NDST1: variants seen among roughly 807,000 people sequenced by gnomAD.
NDST1 encodes the protein N-deacetylase and N-sulfotransferase 1.
A neutral mutation model predicts 92.8 loss-of-function variants in NDST1; 35 were observed. The observed-to-expected ratio is 0.38, with a 90% confidence interval of 0.29 to 0.50. The LOEUF (loss-of-function observed/expected upper bound fraction) is 0.50, where lower values mean the gene tolerates loss of function less well. Among genes scored for constraint, NDST1 ranks in the 20% least tolerant of loss-of-function variants. The pLI is 0.94. For missense variants in NDST1, 822 were observed against 1,182.7 expected, an observed-to-expected ratio of 0.69 and a Z score of 4.47; for synonymous variants, 493 against 500.3, an observed-to-expected ratio of 0.99 and a Z score of 0.19.
In NDST1 at chr5:150,528,187, C is replaced by T. The variant is rs769582368; in HGVS notation, c.897C>T (p.Ala299=). The part of the protein sequence containing the change: ...LHKLVFVDAV[A]FLTGKRLSLP... ...AGCTTGTCTTCGTGGATGCCGTGGCCTTCCTCACGGGGAAGCGCCTCTCCC... is the reference window on the plus strand; with the variant it reads ...AGCTTGTCTTCGTGGATGCCGTGGCTTTCCTCACGGGGAAGCGCCTCTCCC... The change falls in exon 3 of 15, where the codon GCC becomes GCT. Residue 299 remains alanine, a synonymous_variant. Transcript: ENST00000261797. 2.5e-6 allele frequency: 4 copies of T among 1,614,256 alleles called. No homozygotes were observed. The highest frequency in any genetic ancestry group is 3.4e-6 in the Non-Finnish European group (4 of 1,180,040).
intron 1 of NDST1, among the ~76,000 whole-genome samples, chr5:150,516,153 C>A (rs866204005): frequency 6.6e-6 from 1 of 152,222 alleles, no homozygotes; most frequent in African/African-American, 2.4e-5. Flanking sequence ...GAGAGGAGGA[C>A]GGCAGCCCTG....
chr5:150,499,141 C>T (rs374448721), intron 1 of NDST1, among the ~76,000 whole-genome samples: 2 of 152,246 alleles, frequency 1.3e-5, no homozygotes, highest in East Asian at 1.9e-4. Context: ...TTTAAGAAAA[C>T]AGAGGTCACA....
intron 1 of NDST1, among the ~76,000 whole-genome samples, chr5:150,510,145 A>C (rs550769264): frequency 6.6e-6 from 1 of 152,088 alleles, no homozygotes; most frequent in African/African-American, 2.4e-5. Flanking sequence ...CTGAGCCTCC[A>C]TTTCCTTGTC....
At chr5:150,538,703 G>A (rs1350063028) in intron 6 of NDST1, among the ~76,000 whole-genome samples, 1 of 152,146 alleles carries the variant, frequency 6.6e-6, no homozygotes, top group African/African-American at 2.4e-5. Flanking sequence ...TCAGCACCAG[G>A]CCCTCGTGCT....
intron 1 of NDST1, among the ~76,000 whole-genome samples, chr5:150,500,919 C>T (rs1753200507): frequency 6.6e-6 from 1 of 152,218 alleles, no homozygotes; most frequent in Non-Finnish European, 1.5e-5. Context: ...CTTCCATCTC[C>T]ACCTCCCTCT....
chr5:150,522,067 G>T (rs1008057311), intron 2 of NDST1, among the ~76,000 whole-genome samples: 1 of 152,178 alleles, frequency 6.6e-6, no homozygotes, highest in Non-Finnish European at 1.5e-5. Flanking sequence ...AGCATGCTCT[G>T]CTAGGTGCCC....
At chr5:150,541,516 G>A in intron 8 of NDST1, 54 bp from the exon 9 acceptor site, 1 of 1,468,396 alleles carries the variant, frequency 6.8e-7, no homozygotes, top group Non-Finnish European at 9.6e-7. Flanking sequence ...TGCAGTGGGA[G>A]TCCACTGACT....
intron 1 of NDST1, among the ~76,000 whole-genome samples, chr5:150,510,386 T>G (rs1365339562): frequency 6.6e-6 from 1 of 152,178 alleles, no homozygotes; most frequent in Non-Finnish European, 1.5e-5. Flanking sequence ...CATAGGCAGA[T>G]TTGGGGATAG....
rs141135213 is a variant in NDST1 at position 150,521,649 on chromosome 5, G to A, written c.395G>A (p.Arg132His). Reference sequence around the variant, plus strand: ...ACGCTCACTGACAAGGGCCGTGGCCGCTTCGCCCTCATCATCTATGAGAAC... The same window carrying A: ...ACGCTCACTGACAAGGGCCGTGGCCACTTCGCCCTCATCATCTATGAGAAC... The part of the protein sequence containing the change: ...MPTLTDKGRG[R>H]FALIIYENIL... Residue 132 changes from arginine to histidine, a missense_variant, in exon 2 of 15, where the codon CGC (arginine) becomes CAC (histidine). Arg to His is a conservative substitution (Grantham distance 29). Transcript: ENST00000261797. This position sits in a 1 kb window ranked among gnomAD's most constrained non-coding sequence, Gnocchi z 5.9. 34 of 1,613,966 alleles carry A rather than the reference G, an allele frequency of 2.1e-5. No homozygotes were observed. Among genetic ancestry groups the A allele is most frequent in the Non-Finnish European group, 2.7e-5 (32 of 1,180,048 alleles).
In NDST1 at chr5:150,521,602, G is replaced by A. The variant is rs73272685; in HGVS notation, c.348G>A (p.Ala116=). ...SSRFKYRTEI[A]PGKGDMPTLT... is the part of the protein sequence containing the mutation. ...GCTTCAAATACCGCACAGAGATTGCGCCGGGCAAGGGTGACATGCCCACGC... is the reference window on the plus strand; with the variant it reads ...GCTTCAAATACCGCACAGAGATTGCACCGGGCAAGGGTGACATGCCCACGC... Residue 116 remains alanine, a synonymous_variant, in exon 2 of 15, where the codon GCG becomes GCA. Coordinates refer to ENST00000261797, the MANE Select transcript of NDST1 (RefSeq NM_001543.5). The surrounding 1 kb of genome is among the most constrained non-coding windows in gnomAD (Gnocchi z 5.9). 2.1e-4 allele frequency: 341 copies of A among 1,614,036 alleles called. No homozygotes were observed. In the African/African-American group the frequency reaches 3.8e-3, roughly 18 times the overall value.
chr5:150,548,686 GCCA>G (rs1462208844), intron 12 of NDST1, among the ~76,000 whole-genome samples: 1 of 152,022 alleles, frequency 6.6e-6, no homozygotes, highest in Non-Finnish European at 1.5e-5. Context: ...ACAGGTGTGA[GCCA>G]CTGTACCCAG....
At chr5:150,528,540 C>G (rs1409693331) in intron 3 of NDST1, among the ~76,000 whole-genome samples, 2 of 152,018 alleles carry the variant, frequency 1.3e-5, no homozygotes, top group African/African-American at 4.8e-5. Context: ...CCTGTAATCC[C>G]AGCACTTTGG....
intron 2 of NDST1, among the ~76,000 whole-genome samples, chr5:150,527,342 A>G (rs1754520226): frequency 2.0e-5 from 3 of 152,190 alleles, no homozygotes; most frequent in Admixed American, 2.0e-4. Context: ...ATTGATACTG[A>G]TCATCCTCTA....
intron 2 of NDST1, among the ~76,000 whole-genome samples, chr5:150,522,813 C>T (rs989218286): frequency 6.6e-6 from 1 of 152,170 alleles, no homozygotes; most frequent in African/African-American, 2.4e-5. Flanking sequence ...TTAGGAAAGT[C>T]GTCTTTGATA....
In NDST1 at chr5:150,553,660, C is replaced by G. The variant is rs1045544; in HGVS notation, c.*328C>G. ...CACTGTGTTCCGCCGACTGTCCCCT[C>G]TCGTCACCCATCACTCCCTGCTTCC... On this transcript the variant is annotated 3_prime_UTR_variant, in exon 15 of 15. Transcript: ENST00000261797. This position sits in a 1 kb window ranked among gnomAD's most constrained non-coding sequence, Gnocchi z 4.2. 13,643 of 418,138 alleles carry G rather than the reference C, an allele frequency of 0.033. 633 individuals are homozygous for G. Among genetic ancestry groups the G allele is most frequent in the East Asian group, 0.17 (3,183 of 18,910 alleles). 25.9% of individuals were successfully genotyped at this position (418,138 alleles called of 1,614,324 possible). A position where few individuals can be genotyped will look rare whatever the true frequency, so the allele number is the denominator to read the frequency against.
In NDST1 at chr5:150,521,654, G is replaced by A. The variant is rs757320453; in HGVS notation, c.400G>A (p.Ala134Thr). 18 of 1,613,962 alleles carry A rather than the reference G, an allele frequency of 1.1e-5. No individual in the cohort carries two copies. Among genetic ancestry groups the A allele is most frequent in the African/African-American group, 2.7e-5 (2 of 74,916 alleles). The change falls in exon 2 of 15, where the codon GCC becomes ACC. Residue 134 changes from alanine (A) to threonine (T), a missense_variant. Coordinates refer to ENST00000261797, the MANE Select transcript of NDST1 (RefSeq NM_001543.5). This position sits in a 1 kb window ranked among gnomAD's most constrained non-coding sequence, Gnocchi z 5.9. ...TLTDKGRGRFALIIYENILKY... is the reference protein window; with the variant it reads ...TLTDKGRGRFTLIIYENILKY... ...CACTGACAAGGGCCGTGGCCGCTTC[G>A]CCCTCATCATCTATGAGAACATCCT...
chr5:150,506,008 A>G (rs557328360), upstream of NDST1, among the ~76,000 whole-genome samples: 1 of 152,196 alleles, frequency 6.6e-6, no homozygotes, highest in Non-Finnish European at 1.5e-5. Context: ...GCCTGAGGTC[A>G]CAGGCAGGTT....
Position 150,521,249 on chromosome 5 carries a change from G to T in NDST1, c.-6G>T, listed in dbSNP as rs776467063. Reference sequence around the variant, plus strand: ...GCCTCCGGTGGCCAAGGTCTCGGAGGCCAGGATGCCTGCCCTGGCATGCCT... The same window carrying T: ...GCCTCCGGTGGCCAAGGTCTCGGAGTCCAGGATGCCTGCCCTGGCATGCCT... On this transcript the variant is annotated 5_prime_UTR_variant, in exon 2 of 15. Transcript: ENST00000261797. This position sits in a 1 kb window ranked among gnomAD's most constrained non-coding sequence, Gnocchi z 5.9. 1.4e-5 allele frequency: 22 copies of T among 1,604,536 alleles called. No individual in the cohort carries two copies. Among genetic ancestry groups the T allele is most frequent in the Admixed American group, 5.0e-5 (3 of 59,932 alleles).
At position 150,551,707 on chromosome 5, in the gene NDST1, G is replaced by C. The variant is rs1581415032; in HGVS notation, c.2427-46G>C. The C allele has an allele frequency of 2.5e-6, 4 of 1,604,548 alleles. No homozygotes were observed. In the East Asian group the frequency reaches 9.0e-5, roughly 36 times the overall value. On this transcript the variant is annotated intron_variant, in intron 13 of 14. Coordinates refer to ENST00000261797, the MANE Select transcript of NDST1 (RefSeq NM_001543.5). ...TGAACATGGCTTTAAGGTCGGAAGT[G>C]GGTGGCTGAGCCAGCTCCCATCCAA...
Sources: allele counts gnomAD v4.1 joint callset (sites outside exome capture counted in the v4.1 genomes callset), GRCh38; gene constraint gnomAD v4.1.1; non-coding constraint Gnocchi (gnomAD v3.1); transcripts MANE v1.5; gene names NCBI Gene and HGNC (gene_info 2026-07-23, HGNC 2026-07-21).